Variants in CDX1 observed in about 807,000 individuals in gnomAD.
CDX1 encodes homeobox protein CDX-1.
Under a neutral mutation model 16.9 loss-of-function variants are expected in CDX1, and 9 were observed. The ratio of observed to expected loss-of-function variants is 0.53; its 90% CI spans 0.32 to 0.93. CDX1 has a LOEUF of 0.93. CDX1 is among the 40% of genes least tolerant of loss of function. The pLI is 0.04. For missense variants in CDX1, 393 were observed against 386.1 expected, an observed-to-expected ratio of 1.02 and a Z score of -0.15; for synonymous variants, 179 against 179.0, an observed-to-expected ratio of 1.00 and a Z score of 0.00.
Position 150,167,056 on chromosome 5 carries a change from C to CT in CDX1, c.181dup (p.Trp61LeufsTer39). The CT allele has an allele frequency of 1.4e-6, 2 of 1,427,418 alleles. No homozygotes were observed. 88.4% of individuals were successfully genotyped at this position (1,427,418 alleles called of 1,614,324 possible). ...AGCCGGCCCCCGCGCCCCCGACGGC[C>CT]TGGGGGGCGCCCTTCCCTGCGCCCA... On this transcript the variant is annotated frameshift_variant, in exon 1 of 3. Coordinates refer to ENST00000231656, the MANE Select transcript of CDX1 (RefSeq NM_001804.3). LOFTEE classifies it high-confidence loss of function.
rs1752507915 is a variant in CDX1, at chr5:150,183,866, C to T, written c.*186C>T. The T allele has an allele frequency of 2.2e-6, 1 of 446,128 alleles. No individual in the cohort carries two copies. The highest frequency in any genetic ancestry group is 4.0e-6 in the Non-Finnish European group (1 of 250,474). 27.6% of individuals were successfully genotyped at this position (446,128 alleles called of 1,614,324 possible). On this transcript the variant is annotated 3_prime_UTR_variant, in exon 3 of 3. Coordinates refer to ENST00000231656, the MANE Select transcript of CDX1 (RefSeq NM_001804.3). ...AGTAAGCCTGTTGGATAAAGACCTT[C>T]CAGCTCCTGTGTTCTAGACCTCTGG...
chr5:150,173,003 A>G (rs905807773), intron 1 of CDX1, among the ~76,000 whole-genome samples: 2 of 152,156 alleles, frequency 1.3e-5, no homozygotes, highest in African/African-American at 2.4e-5. Flanking sequence ...GGCCGTCACC[A>G]TGTTAGCATG....
intron 2 of CDX1, 38 bp from the exon 3 acceptor site, chr5:150,183,436 C>T (rs538344692): frequency 6.5e-7 from 1 of 1,530,904 alleles, no homozygotes; most frequent in Non-Finnish European, 8.9e-7. Flanking sequence ...TCACTCTCTC[C>T]CTGCTGCCCA....
chr5:150,179,382 G>C (rs1761612063), intron 1 of CDX1, among the ~76,000 whole-genome samples: 1 of 152,208 alleles, frequency 6.6e-6, no homozygotes, highest in Non-Finnish European at 1.5e-5. Flanking sequence ...CCAGGAGAGA[G>C]AGGAGTAATT....
In CDX1 at chr5:150,184,535, A is replaced by G. The variant is rs1752526200; in HGVS notation, c.*855A>G. 2 of 152,238 alleles carry G rather than the reference A, an allele frequency of 1.3e-5. No individual in the cohort carries two copies. The highest frequency in any genetic ancestry group is 2.9e-5 in the Non-Finnish European group (2 of 68,034). 9.4% of individuals were successfully genotyped at this position (152,238 alleles called of 1,614,324 possible). A position where few individuals can be genotyped will look rare whatever the true frequency, so the allele number is the denominator to read the frequency against. Reference sequence around the variant, plus strand: ...AAATCATTATACATAGCATTAAAGAAACATTTTTGAGAAGTACAAATCATC... The same window carrying G: ...AAATCATTATACATAGCATTAAAGAGACATTTTTGAGAAGTACAAATCATC... On this transcript the variant is annotated 3_prime_UTR_variant, in exon 3 of 3. Transcript: ENST00000231656.
chr5:150,182,530 C>G (rs1192630310), intron 1 of CDX1, among the ~76,000 whole-genome samples: 1 of 152,252 alleles, frequency 6.6e-6, no homozygotes, highest in Non-Finnish European at 1.5e-5. Flanking sequence ...GTTGTTTTGC[C>G]TACCTCACTG....
Position 150,177,640 on chromosome 5 carries a change from C to T in CDX1, c.446-5128C>T, listed in dbSNP as rs1412006555. The stretch of plus-strand genomic sequence containing the variant: ...GTAAAATAGAGTGATAGTTGCCCAA[C>T]TCCACGGGTCATTGAGAGATGTATA... On this transcript the variant is annotated intron_variant, in intron 1 of 2. Transcript: ENST00000231656. 2.6e-5 allele frequency among the ~76,000 whole-genome samples: 4 copies of T among 152,324 alleles called. No individual in the cohort carries two copies. The East Asian group carries it at 7.7e-4, about 29-fold the overall frequency.
intron 1 of CDX1, among the ~76,000 whole-genome samples, chr5:150,168,682 A>G (rs1761464536): frequency 6.6e-6 from 1 of 152,226 alleles, no homozygotes; most frequent in Non-Finnish European, 1.5e-5. Flanking sequence ...ATAACCTGTA[A>G]CTAGTGGGGC....
chr5:150,166,960 A>G lies in CDX1; in HGVS notation c.84A>G (p.Gln28=). 1 of 1,477,070 alleles carries G rather than the reference A, an allele frequency of 6.8e-7. No homozygotes were observed. Among genetic ancestry groups the G allele is most frequent in the South Asian group, 1.3e-5 (1 of 76,020 alleles). The allele number at this position is 1,477,070 out of a possible 1,614,324, so 91.5% of individuals were successfully genotyped here. The stretch of plus-strand genomic sequence containing the variant: ...CAGCCAGCCTCGGCCTGGGCCCGCA[A>G]GCCTACGGCCCCCCGGCCCCGCCCC... ...ARPASLGLGP[Q]AYGPPAPPPA... The change falls in exon 1 of 3, where the codon CAA becomes CAG. Residue 28 remains glutamine (Q), a synonymous_variant. Transcript: ENST00000231656.
Position 150,167,175 on chromosome 5 carries a change from C to G in CDX1, c.299C>G (p.Pro100Arg). ...LAFGPPPDFS[P>R]VPAPPGPGPG... ...TTCGGGCCCCCTCCAGACTTTAGCC[C>G]GGTGCCGGCGCCCCCTGGGCCCGGC... Residue 100 changes from proline (P) to arginine (R), a missense_variant, in exon 1 of 3, where the codon CCG (proline) becomes CGG (arginine). Physicochemically the swap from Pro to Arg is moderately radical, Grantham distance 103 (BLOSUM62 -2). Transcript: ENST00000231656. 7.8e-7 allele frequency: 1 copy of G among 1,278,412 alleles called. No homozygotes were observed. The highest frequency in any genetic ancestry group is 9.8e-7 in the Non-Finnish European group (1 of 1,018,130). 79.2% of individuals were successfully genotyped at this position (1,278,412 alleles called of 1,614,324 possible).
At chr5:150,183,072 C>T (rs551541581) in intron 2 of CDX1, among the ~76,000 whole-genome samples, 159 bp downstream of exon 2, 18 of 152,354 alleles carry the variant, frequency 1.2e-4, no homozygotes, top group Admixed American at 9.8e-4. Context: ...TACCAGCACC[C>T]TCCCTTAACA....
chr5:150,172,634 C>T (rs932369469), intron 1 of CDX1, among the ~76,000 whole-genome samples: 2 of 152,092 alleles, frequency 1.3e-5, no homozygotes, highest in Admixed American at 1.3e-4. Flanking sequence ...GAAAGGAGGC[C>T]AGGCAGGGGA....
At chr5:150,171,583 G>A (rs1371156409) in intron 1 of CDX1, among the ~76,000 whole-genome samples, 5 of 152,192 alleles carry the variant, frequency 3.3e-5, no homozygotes, top group Non-Finnish European at 5.9e-5. Context: ...TGATCCGCCC[G>A]CCTCGGCCTC....
chr5:150,179,915 G>C (rs796096165), intron 1 of CDX1, among the ~76,000 whole-genome samples: 7 of 152,388 alleles, frequency 4.6e-5, no homozygotes, highest in African/African-American at 1.4e-4. Context: ...ATTGTACCCT[G>C]GAGAGGCAGC....
chr5:150,167,345 C>A, intron 1 of CDX1, 24 bp downstream of exon 1: 2 of 1,238,610 alleles, frequency 1.6e-6, no homozygotes, highest in Non-Finnish European at 2.0e-6. Context: ...CCTCGCCCTG[C>A]GCCTCTGGAC....
intron 1 of CDX1, among the ~76,000 whole-genome samples, chr5:150,179,964 C>T (rs1330456730): frequency 6.6e-6 from 1 of 152,232 alleles, no homozygotes; most frequent in Admixed American, 6.5e-5. Context: ...TGGGCAGGCC[C>T]GTGCCTGCCT....
intron 1 of CDX1, among the ~76,000 whole-genome samples, chr5:150,182,003 C>T (rs1752448965): frequency 6.6e-6 from 1 of 152,164 alleles, no homozygotes; most frequent in Admixed American, 6.5e-5. Context: ...GAGCCAGAGC[C>T]TTTGAGGTAA....
intron 1 of CDX1, among the ~76,000 whole-genome samples, chr5:150,182,070 C>T (rs1046561548): frequency 1.3e-5 from 2 of 152,194 alleles, no homozygotes; most frequent in African/African-American, 4.8e-5. Context: ...GATGTTGAGG[C>T]CATCCCCAGG....
At chr5:150,182,252 C>G (rs1752459520) in intron 1 of CDX1, among the ~76,000 whole-genome samples, 1 of 152,240 alleles carries the variant, frequency 6.6e-6, no homozygotes, top group Admixed American at 6.5e-5. Context: ...CTCCGTGTCT[C>G]CAGCATTCAA....
Sources: allele counts gnomAD v4.1 joint callset (sites outside exome capture counted in the v4.1 genomes callset), GRCh38; gene constraint gnomAD v4.1.1; transcripts MANE v1.5; gene names NCBI Gene and HGNC (gene_info 2026-07-23, HGNC 2026-07-21).